The following GBP6 variants were observed in gnomAD, a reference collection of about 807,000 sequenced individuals.
GBP6 encodes the protein guanylate binding protein family member 6.
Under a neutral mutation model 61.5 loss-of-function variants are expected in GBP6, and 54 were observed. The ratio of observed to expected loss-of-function variants is 0.88; its 90% CI spans 0.71 to 1.10. The LOEUF is 1.10. Among genes scored for constraint, GBP6 ranks in the 50% least tolerant of loss-of-function variants. The pLI is 0.00. For synonymous variants in GBP6, 255 were observed against 273.7 expected (o/e 0.93, Z 0.67); for missense variants, 748 against 752.8 (o/e 0.99, Z 0.07).
chr1:89,378,618 C>T lies in GBP6; in HGVS notation c.625+5C>T, dbSNP rs2100668906. 4 of 1,608,604 alleles carry T rather than the reference C, an allele frequency of 2.5e-6. No individual in the cohort carries two copies. The highest frequency in any genetic ancestry group is 2.2e-5 in the East Asian group (1 of 44,772). ...ATGCCTTGAAGCTGATTCAAGGTAT[C>T]AGAATGTGGCCTGGGCTGTGGGTGG... On this transcript the variant is annotated splice_donor_5th_base_variant and intron_variant, in intron 5 of 10. Transcript: ENST00000370456.
In GBP6 at chr1:89,384,227, C is replaced by T. The variant is rs768542180; in HGVS notation, c.1603C>T (p.Gln535Ter). The T allele has an allele frequency of 6.2e-6, 10 of 1,613,940 alleles. No homozygotes were observed. The highest frequency in any genetic ancestry group is 8.5e-6 in the Non-Finnish European group (10 of 1,180,012). The change falls in exon 10 of 11, where the codon CAG becomes TAG. Residue 535 changes from glutamine (Q) to a stop codon, truncating the protein, a stop_gained. Coordinates refer to ENST00000370456, the MANE Select transcript of GBP6 (RefSeq NM_198460.3). LOFTEE classifies it high-confidence loss of function. ...CATAGCCCAACTGAAGGAGAAGCTG[C>T]AGATGGAGAGAGAACACCTACTGAG... is the stretch of plus-strand genomic sequence containing the variant. ...ENIAQLKEKL[Q>*]MEREHLLREQ...
chr1:89,364,309 G>A (rs1652398200), intron 1 of GBP6, among the ~76,000 whole-genome samples, 182 bp downstream of exon 1: 1 of 152,228 alleles, frequency 6.6e-6, no homozygotes, highest in African/African-American at 2.4e-5. Flanking sequence ...TGACAGCCGG[G>A]CACGCCGCGT....
chr1:89,364,626 CGT>C (rs138686874), intron 1 of GBP6, among the ~76,000 whole-genome samples: 135 of 107,342 alleles, frequency 1.3e-3, no homozygotes, highest in Middle Eastern at 5.9e-3. Flanking sequence ...TCTGTGTGTG[CGT>C]GTGTGTGTGT....
intron 10 of GBP6, 57 bp from the exon 11 acceptor site, chr1:89,385,173 A>G: frequency 6.8e-7 from 1 of 1,463,488 alleles, no homozygotes; most frequent in Non-Finnish European, 9.3e-7. Context: ...ACAAAATGTA[A>G]GTCTTAAAAG....
Position 89,381,834 on chromosome 1 carries a change from A to G in GBP6, c.1012A>G (p.Met338Val), listed in dbSNP as rs762960570. ...QRAADYYSQQ[M>V]AQRVKLPTDT... The stretch of plus-strand genomic sequence containing the variant: ...GGCAGCTGACTACTACAGCCAGCAG[A>G]TGGCCCAGCGAGTGAAGCTCCCCAC... Residue 338 changes from methionine (M) to valine (V), a missense_variant, in exon 7 of 11, where the codon ATG becomes GTG. Met to Val is a conservative substitution (Grantham distance 21). Coordinates refer to ENST00000370456, the MANE Select transcript of GBP6 (RefSeq NM_198460.3). 7 of 1,613,988 alleles carry G rather than the reference A, an allele frequency of 4.3e-6. No individual in the cohort carries two copies. In the Admixed American group the frequency reaches 8.3e-5, roughly 19 times the overall value.
At position 89,384,277 on chromosome 1, in the gene GBP6, C is replaced by T. The variant is rs1308250772; in HGVS notation, c.1653C>T (p.His551=). 1 of 1,610,832 alleles carries T rather than the reference C, an allele frequency of 6.2e-7. No homozygotes were observed. Among genetic ancestry groups the T allele is most frequent in the Admixed American group, 1.7e-5 (1 of 59,624 alleles). The change falls in exon 10 of 11, where the codon CAC becomes CAT. Residue 551 remains histidine, a synonymous_variant. Coordinates refer to ENST00000370456, the MANE Select transcript of GBP6 (RefSeq NM_198460.3). The part of the protein sequence containing the change: ...LLREQIMMLE[H]TQKVQNDWLH... Reference sequence around the variant, plus strand: ...GAGAGCAGATTATGATGTTGGAGCACACGCAGAAGGTAAGTCTGCCCTTGG... The same window carrying T: ...GAGAGCAGATTATGATGTTGGAGCATACGCAGAAGGTAAGTCTGCCCTTGG...
At position 89,384,295 on chromosome 1, in the gene GBP6, GC is replaced by G; in HGVS notation, c.1662+12del. 6.2e-7 allele frequency: 1 copy of G among 1,601,918 alleles called. No homozygotes were observed. The highest frequency in any genetic ancestry group is 8.5e-7 in the Non-Finnish European group (1 of 1,174,066). On this transcript the variant is annotated intron_variant, in intron 10 of 10. Coordinates refer to ENST00000370456, the MANE Select transcript of GBP6 (RefSeq NM_198460.3). ...TGGAGCACACGCAGAAGGTAAGTCTGCCCTTGGCCTCAGCAGGCCAGACGGT... is the reference window on the plus strand; with the variant it reads ...TGGAGCACACGCAGAAGGTAAGTCTGCCTTGGCCTCAGCAGGCCAGACGGT...
chr1:89,378,824 AT>A (rs920453337), intron 5 of GBP6, among the ~76,000 whole-genome samples: 2 of 152,160 alleles, frequency 1.3e-5, no homozygotes, highest in African/African-American at 4.8e-5. Context: ...TTCAAGACAG[AT>A]TTGTTCTTTG....
At chr1:89,368,406 T>G (rs1652523498) in intron 1 of GBP6, 123 bp from the exon 2 acceptor site, 5 of 621,090 alleles carry the variant, frequency 8.1e-6, no homozygotes, top group Non-Finnish European at 1.4e-5. Flanking sequence ...CCTTGTGCAG[T>G]CAGCTAATGC....
intron 1 of GBP6, among the ~76,000 whole-genome samples, chr1:89,367,666 G>A (rs374180602): frequency 6.6e-6 from 1 of 152,146 alleles, no homozygotes; most frequent in East Asian, 1.9e-4. Context: ...GAAGTGTGGT[G>A]TATCTAATTT....
At chr1:89,371,414 A>G (rs1427891940) in intron 3 of GBP6, among the ~76,000 whole-genome samples, 2 of 152,234 alleles carry the variant, frequency 1.3e-5, no homozygotes, top group African/African-American at 2.4e-5. Context: ...AAAATCCTCA[A>G]TAAAATACTG....
At chr1:89,368,442 C>A (rs775160923) in intron 1 of GBP6, 87 bp from the exon 2 acceptor site, 27 of 946,882 alleles carry the variant, frequency 2.9e-5, no homozygotes, top group Admixed American at 1.4e-4. Flanking sequence ...CCAGTAGAAA[C>A]ACAGAAGTCT....
In GBP6 at chr1:89,387,228, A is replaced by G. The variant is rs1341243320; in HGVS notation, c.*1759A>G. Among the ~76,000 whole-genome samples, 1 of 152,126 alleles carries G rather than the reference A, an allele frequency of 6.6e-6. No homozygotes were observed. Among genetic ancestry groups the G allele is most frequent in the Non-Finnish European group, 1.5e-5 (1 of 68,024 alleles). On this transcript the variant is annotated 3_prime_UTR_variant, in exon 11 of 11. Coordinates refer to ENST00000370456, the MANE Select transcript of GBP6 (RefSeq NM_198460.3). ...GTCTGGAGCCATTTACTAGATATCCATATACTAGGGAAATACAAACACCCA... is the reference window on the plus strand; with the variant it reads ...GTCTGGAGCCATTTACTAGATATCCGTATACTAGGGAAATACAAACACCCA...
At chr1:89,383,998 C>G in intron 9 of GBP6, 95 bp from the exon 10 acceptor site, 1 of 1,258,864 alleles carries the variant, frequency 7.9e-7, no homozygotes, top group South Asian at 1.6e-5. Flanking sequence ...GATTTCTCAC[C>G]CTGCCTTTCA....
Position 89,378,597 on chromosome 1 carries a change from C to G in GBP6, c.609C>G (p.Ala203=). 1 of 1,612,456 alleles carries G rather than the reference C, an allele frequency of 6.2e-7. No individual in the cohort carries two copies. Among genetic ancestry groups the G allele is most frequent in the Non-Finnish European group, 8.5e-7 (1 of 1,178,830 alleles). Residue 203 remains alanine, a synonymous_variant, in exon 5 of 11, where the codon GCC becomes GCG. Coordinates refer to ENST00000370456, the MANE Select transcript of GBP6 (RefSeq NM_198460.3). ...PITEDEYLEN[A]LKLIQGNNPR... ...CAGAAGATGAATACCTGGAGAATGC[C>G]TTGAAGCTGATTCAAGGTATCAGAA...
intron 1 of GBP6, among the ~76,000 whole-genome samples, chr1:89,366,245 T>C (rs1178850647): frequency 6.6e-6 from 1 of 152,242 alleles, no homozygotes; most frequent in Non-Finnish European, 1.5e-5. Context: ...TGCAATATTA[T>C]ATGTATTGTT....
chr1:89,382,921 A>G, intron 8 of GBP6, 45 bp downstream of exon 8: 2 of 1,347,178 alleles, frequency 1.5e-6, no homozygotes, highest in Non-Finnish European at 2.1e-6. Flanking sequence ...GATAGAGTGA[A>G]TGGAGTCTTC....
rs1653159620 is a variant in GBP6, at chr1:89,386,908, A to G, written c.*1439A>G. On this transcript the variant is annotated 3_prime_UTR_variant, in exon 11 of 11. Transcript: ENST00000370456. ...TGTTAGAATCTAAGAAGATTCAGTT[A>G]TAGTAATGAGTGGCAGACTGCAAGG... Among the ~76,000 whole-genome samples the G allele has an allele frequency of 6.6e-6, 1 of 152,226 alleles. No homozygotes were observed. The highest frequency in any genetic ancestry group is 2.4e-5 in the African/African-American group (1 of 41,462).
chr1:89,382,101 TA>T, intron 7 of GBP6, 127 bp downstream of exon 7: 1 of 983,784 alleles, frequency 1.0e-6, no homozygotes, highest in Non-Finnish European at 1.5e-6. Flanking sequence ...TCATGAGGGA[TA>T]GAGTTTCAAA....
Sources: allele counts gnomAD v4.1 joint callset (sites outside exome capture counted in the v4.1 genomes callset), GRCh38; gene constraint gnomAD v4.1.1; transcripts MANE v1.5; gene names NCBI Gene and HGNC (gene_info 2026-07-23, HGNC 2026-07-21).